FAT3: variants seen among roughly 807,000 people sequenced by gnomAD.
FAT3 encodes the protein protocadherin Fat 3.
In FAT3, 95 loss-of-function variants were observed where a neutral mutation model predicts 310.2. The ratio of observed to expected loss-of-function variants is 0.31; its 90% CI spans 0.26 to 0.36. The LOEUF is 0.36. FAT3 is among the 10% of genes least tolerant of loss of function. FAT3 has a pLI of 1.00. For missense variants in FAT3, 5,408 were observed against 5,715.6 expected, an observed-to-expected ratio of 0.95 and a Z score of 1.74; for synonymous variants, 2,314 against 2,192.9, an observed-to-expected ratio of 1.06 and a Z score of -1.54.
intron 3 of FAT3, among the ~76,000 whole-genome samples, chr11:92,614,586 G>A (rs1032929255): frequency 5.3e-5 from 8 of 152,054 alleles, no homozygotes; most frequent in Non-Finnish European, 7.4e-5. Context: ...AGATATAGCC[G>A]CTCATTTGGT....
intron 1 of FAT3, among the ~76,000 whole-genome samples, chr11:92,314,908 C>T (rs1385658887): frequency 6.6e-6 from 1 of 152,062 alleles, no homozygotes; most frequent in Non-Finnish European, 1.5e-5. Context: ...GGGAAGGTCA[C>T]ATGATCATGC....
At chr11:92,251,377 C>T (rs907464610) in intron 1 of FAT3, among the ~76,000 whole-genome samples, 2 of 152,114 alleles carry the variant, frequency 1.3e-5, no homozygotes, top group African/African-American at 2.4e-5. Context: ...ATAGTGCATC[C>T]AATTATTTGT....
chr11:92,768,703 C>A (rs1050791711), intron 6 of FAT3, among the ~76,000 whole-genome samples: 1 of 152,140 alleles, frequency 6.6e-6, no homozygotes, highest in East Asian at 1.9e-4. Context: ...CGCCTCAATG[C>A]TTAAGAAACA....
At chr11:92,424,756 C>G (rs75555574) in intron 2 of FAT3, among the ~76,000 whole-genome samples, 1 of 152,018 alleles carries the variant, frequency 6.6e-6, no homozygotes, top group Non-Finnish European at 1.5e-5. Context: ...CACCTCCTTA[C>G]GTTTTGAATT....
chr11:92,560,289 AT>A (rs1417781819), intron 3 of FAT3, among the ~76,000 whole-genome samples: 5 of 152,040 alleles, frequency 3.3e-5, no homozygotes, highest in South Asian at 2.1e-4. Flanking sequence ...AAATTGAGCT[AT>A]TTTTCTTCTT....
chr11:92,540,155 G>A (rs890090108), intron 3 of FAT3, among the ~76,000 whole-genome samples: 7 of 152,152 alleles, frequency 4.6e-5, no homozygotes, highest in African/African-American at 1.7e-4. Flanking sequence ...TCTGTTCTCA[G>A]GACGCCTCTT....
chr11:92,642,904 T>A (rs1195065169), intron 3 of FAT3, among the ~76,000 whole-genome samples: 1 of 152,210 alleles, frequency 6.6e-6, no homozygotes, highest in Non-Finnish European at 1.5e-5. Flanking sequence ...GGAACAGAGC[T>A]AACCCTTACT....
At position 92,889,236 on chromosome 11, in the gene FAT3, A is replaced by G; in HGVS notation, c.13099A>G (p.Ile4367Val). Residue 4367 changes from isoleucine to valine, a missense_variant, in exon 26 of 28, where the codon ATA (isoleucine) becomes GTA (valine). Ile to Val is a conservative substitution (Grantham distance 29, BLOSUM62 3). This residue lies in a region of FAT3 where 649 missense variants were observed against 666.2 expected (regional missense o/e 0.97). Transcript: ENST00000525166. ...IQLVNNVVDT[I>V]ENEVSVMDQG... ...GCTTGTCAACAATGTAGTTGACACT[A>G]TAGAGAATGAAGGTATTTACTTTTT... 2.8e-6 allele frequency: 2 copies of G among 711,636 alleles called. No homozygotes were observed. Among genetic ancestry groups the G allele is most frequent in the Non-Finnish European group, 5.2e-6 (2 of 382,592 alleles). 44.1% of individuals were successfully genotyped at this position (711,636 alleles called of 1,614,324 possible).
chr11:92,420,692 T>G (rs900623927), intron 2 of FAT3, among the ~76,000 whole-genome samples: 4 of 152,218 alleles, frequency 2.6e-5, no homozygotes, highest in Non-Finnish European at 5.9e-5. Context: ...CAGTAAATCT[T>G]TCTTGCCTTT....
chr11:92,712,141 G>A (rs2135950344), intron 4 of FAT3, among the ~76,000 whole-genome samples: 1 of 152,304 alleles, frequency 6.6e-6, no homozygotes, highest in Non-Finnish European at 1.5e-5. Flanking sequence ...AACTGTAGCT[G>A]AGGCTTGACA....
rs1213094174 is a variant in FAT3 at position 92,566,448 on chromosome 11, A to G, written c.3607+41500A>G. ...GGTAGGAAGAATCAATATCGTGAAA[A>G]TGGCCATACTGCCCAAGGTAATTTA... On this transcript the variant is annotated intron_variant, in intron 3 of 27. Coordinates refer to ENST00000525166, the MANE Select transcript of FAT3 (RefSeq NM_001367949.2). Among the ~76,000 whole-genome samples the G allele has an allele frequency of 7.9e-5, 12 of 152,066 alleles. No homozygotes were observed. In the East Asian group the frequency reaches 1.2e-3, roughly 15 times the overall value.
intron 1 of FAT3, among the ~76,000 whole-genome samples, chr11:92,256,301 A>G (rs1310142391): frequency 6.6e-6 from 1 of 152,050 alleles, no homozygotes; most frequent in Non-Finnish European, 1.5e-5. Flanking sequence ...ATCTACACAC[A>G]TTATTAAATG....
At chr11:92,503,945 A>AT (rs752883996) in intron 2 of FAT3, among the ~76,000 whole-genome samples, 9 of 152,124 alleles carry the variant, frequency 5.9e-5, no homozygotes, top group Non-Finnish European at 1.0e-4. Flanking sequence ...GGCAGAGGTT[A>AT]TGGTGAAGGA....
At chr11:92,676,221 G>A (rs1440604121) in intron 3 of FAT3, among the ~76,000 whole-genome samples, 1 of 152,160 alleles carries the variant, frequency 6.6e-6, no homozygotes, top group African/African-American at 2.4e-5. Flanking sequence ...TTTGGGCCCA[G>A]CAGAGGACAG....
At position 92,831,920 on chromosome 11, in the gene FAT3, C is replaced by T. The variant is rs765362238; in HGVS notation, c.9780C>T (p.Ala3260=). ...GCACCCAAGTCCTTGCTGTTTTTGC[C>T]ACCAGCAAAGATATTGGCACAAATG... is the stretch of plus-strand genomic sequence containing the variant. ...SPGTQVLAVF[A]TSKDIGTNAE... The change falls in exon 14 of 28, where the codon GCC becomes GCT. Residue 3260 remains alanine (A), a synonymous_variant. Transcript: ENST00000525166. 25 of 1,608,024 alleles carry T rather than the reference C, an allele frequency of 1.6e-5. 1 individual carries two copies. The South Asian group carries it at 2.8e-4, about 18-fold the overall frequency.
chr11:92,651,927 A>G (rs1364317209), intron 3 of FAT3, among the ~76,000 whole-genome samples: 2 of 152,188 alleles, frequency 1.3e-5, no homozygotes, highest in African/African-American at 4.8e-5. Context: ...AGAAATGAAA[A>G]TCAATTTGAT....
At chr11:92,809,792 A>C in intron 12 of FAT3, 51 bp from the exon 13 acceptor site, 1 of 1,440,174 alleles carries the variant, frequency 6.9e-7, no homozygotes. Context: ...TCTCCAAAGA[A>C]AGACAGTTTT....
At chr11:92,748,895 C>G (rs1945747544) in intron 4 of FAT3, 1 of 152,178 alleles carries the variant, frequency 6.6e-6, no homozygotes, top group South Asian at 2.1e-4. Flanking sequence ...CCTTTGAGAT[C>G]TACCCTTTAA....
intron 2 of FAT3, among the ~76,000 whole-genome samples, chr11:92,397,402 T>A (rs754857160): frequency 7.2e-5 from 11 of 152,124 alleles, no homozygotes; most frequent in Non-Finnish European, 1.5e-4. Context: ...AGCGCATGGG[T>A]CCCCTAAGGT....
Sources: gnomAD v4.1 joint callset for allele counts (sites outside exome capture counted in the v4.1 genomes callset) on GRCh38, gnomAD v4.1.1 for gene constraint, gnomAD v4.1.1 regional missense constraint, MANE v1.5 for transcripts, NCBI Gene and HGNC (gene_info 2026-07-23, HGNC 2026-07-21) for gene names.